Variants in NEBL observed in about 807,000 individuals in gnomAD.
NEBL encodes LIM and SH3 protein 2.
In NEBL, 122 loss-of-function variants were observed where a neutral mutation model predicts 140.2. The observed-to-expected ratio is 0.87, with a 90% CI of 0.75 to 1.01. The LOEUF (loss-of-function observed/expected upper bound fraction) is 1.01. Among genes scored for constraint, NEBL ranks in the 50% least tolerant of loss-of-function variants. The pLI, the probability that NEBL is intolerant of heterozygous loss-of-function variation, is 0.00. For synonymous variants in NEBL, 436 were observed against 398.9 expected (o/e 1.09, Z -1.11); for missense variants, 1,365 against 1,231.3 (o/e 1.11, Z -1.62).
chr10:21,121,313 C>T (rs906015402), intron 2 of NEBL, among the ~76,000 whole-genome samples: 7 of 152,112 alleles, frequency 4.6e-5, no homozygotes, highest in Non-Finnish European at 1.0e-4. Flanking sequence ...ACTTTAATGT[C>T]ACGGTCATGC....
chr10:20,841,418 C>A (rs1225077878), intron 12 of NEBL: 2 of 154,512 alleles, frequency 1.3e-5, no homozygotes, highest in Non-Finnish European at 2.9e-5. Context: ...ATAGATGGTA[C>A]TTGAAAGCAG....
chr10:21,141,626 AG>A (rs564008393), intron 2 of NEBL, among the ~76,000 whole-genome samples: 81 of 152,384 alleles, frequency 5.3e-4, no homozygotes, highest in African/African-American at 1.9e-3. Context: ...CCATTGACAG[AG>A]AAACACAAAA....
chr10:21,262,835 T>A lies in NEBL; in HGVS notation n.183-11007A>T, dbSNP rs77446049. On this transcript the variant is annotated intron_variant and non_coding_transcript_variant, in intron 1 of 8. Coordinates refer to the NEBL transcript ENST00000675702. ...TAGTGGTTTTCCAGTGTGCCCATGA[T>A]TACAAACCTCTCTTTAAATTCCGTG... Among the ~76,000 whole-genome samples the A allele has an allele frequency of 5.7e-3, 867 of 152,280 alleles. 7 individuals carry two copies. The highest frequency in any genetic ancestry group is 0.02 in the African/African-American group (827 of 41,546).
intron 5 of NEBL, among the ~76,000 whole-genome samples, chr10:20,875,281 G>GCC (rs1315923457): frequency 6.6e-6 from 1 of 152,106 alleles, no homozygotes; most frequent in Non-Finnish European, 1.5e-5. Context: ...CATCCAAGGT[G>GCC]CCCGGCTATC....
intron 2 of NEBL, among the ~76,000 whole-genome samples, chr10:21,097,966 G>A (rs77201584): frequency 0.023 from 3,466 of 152,210 alleles, 138 homozygotes; most frequent in African/African-American, 0.076. Flanking sequence ...GTGACCCTAC[G>A]TGAAATGAAC....
chr10:20,996,397 G>C (rs989207329), intron 3 of NEBL, among the ~76,000 whole-genome samples: 1 of 152,194 alleles, frequency 6.6e-6, no homozygotes, highest in Non-Finnish European at 1.5e-5. Flanking sequence ...AAGTGAAAAT[G>C]CAGAGTATCC....
chr10:21,155,678 C>T (rs1840311110), intron 2 of NEBL, among the ~76,000 whole-genome samples: 1 of 152,182 alleles, frequency 6.6e-6, no homozygotes, highest in Non-Finnish European at 1.5e-5. Context: ...TGCATTGCTA[C>T]AGCTCAAACA....
chr10:20,950,949 G>C (rs566083089), intron 4 of NEBL, among the ~76,000 whole-genome samples: 11 of 152,152 alleles, frequency 7.2e-5, no homozygotes, highest in Admixed American at 7.2e-4. Context: ...AGGATGCAAT[G>C]ATACAAAGCT....
intron 1 of NEBL, among the ~76,000 whole-genome samples, chr10:21,291,275 G>A (rs932950334): frequency 1.3e-5 from 2 of 151,966 alleles, no homozygotes; most frequent in Non-Finnish European, 2.9e-5. Context: ...GGAGGCCAAG[G>A]CAGGCAGATC....
chr10:21,239,150 T>C (rs1842401882), intron 3 of NEBL, among the ~76,000 whole-genome samples: 1 of 152,142 alleles, frequency 6.6e-6, no homozygotes, highest in Admixed American at 6.5e-5. Flanking sequence ...TATCTTGAAT[T>C]GCCTGGGTTG....
chr10:21,080,141 A>C (rs1341420874), intron 2 of NEBL, among the ~76,000 whole-genome samples: 1 of 152,244 alleles, frequency 6.6e-6, no homozygotes. Flanking sequence ...TAAGCACATA[A>C]TTTATAATGC....
At chr10:21,151,486 C>T (rs1471119193) in intron 2 of NEBL, among the ~76,000 whole-genome samples, 1 of 152,174 alleles carries the variant, frequency 6.6e-6, no homozygotes, top group African/African-American at 2.4e-5. Flanking sequence ...CCCATTAGTG[C>T]TTTATTTTTA....
chr10:21,096,716 T>C (rs1349147164), intron 2 of NEBL, among the ~76,000 whole-genome samples: 1 of 152,174 alleles, frequency 6.6e-6, no homozygotes, highest in Non-Finnish European at 1.5e-5. Flanking sequence ...AGTCTCACTA[T>C]GTTGCCCAAG....
intron 2 of NEBL, among the ~76,000 whole-genome samples, chr10:21,098,317 A>G (rs1837298148): frequency 6.6e-6 from 1 of 152,176 alleles, no homozygotes; most frequent in African/African-American, 2.4e-5. Flanking sequence ...ACGCATCCAC[A>G]CAAAAGACAA....
Position 20,780,257 on chromosome 10 carries a change from T to C in NEBL, c.*5490A>G, listed in dbSNP as rs1834944192. ...ATGTACTCAATTTGTGCACTTTCTATTCTATGCTCCAAACCATTTCTTTCA... is the reference window on the plus strand; with the variant it reads ...ATGTACTCAATTTGTGCACTTTCTACTCTATGCTCCAAACCATTTCTTTCA... On this transcript the variant is annotated 3_prime_UTR_variant, in exon 28 of 28. Coordinates refer to ENST00000377122, the MANE Select transcript of NEBL (RefSeq NM_006393.3). The C allele has an allele frequency of 6.6e-6, 1 of 152,236 alleles. No individual in the cohort carries two copies. The highest frequency in any genetic ancestry group is 1.5e-5 in the Non-Finnish European group (1 of 68,042). The allele number at this position is 152,236 out of a possible 1,614,324, so 9.4% of individuals were successfully genotyped here.
At chr10:20,969,942 A>G (rs1050224556) in intron 3 of NEBL, among the ~76,000 whole-genome samples, 1 of 152,182 alleles carries the variant, frequency 6.6e-6, no homozygotes, top group African/African-American at 2.4e-5. Flanking sequence ...ATAGCCTCAG[A>G]AATTACACAA....
At chr10:21,158,840 G>T (rs1463779022) in intron 2 of NEBL, among the ~76,000 whole-genome samples, 1 of 152,156 alleles carries the variant, frequency 6.6e-6, no homozygotes, top group Non-Finnish European at 1.5e-5. Flanking sequence ...AATAGGAATT[G>T]CATGAAAGCT....
chr10:20,981,735 A>T (rs2131665111), intron 3 of NEBL, among the ~76,000 whole-genome samples: 1 of 152,298 alleles, frequency 6.6e-6, no homozygotes, highest in South Asian at 2.1e-4. Context: ...TGACAGCTAC[A>T]AGGATGTAGG....
intron 17 of NEBL, among the ~76,000 whole-genome samples, chr10:20,827,803 T>C (rs1840022737): frequency 6.6e-6 from 1 of 152,162 alleles, no homozygotes; most frequent in Non-Finnish European, 1.5e-5. Context: ...GCCATTATAC[T>C]TAGCAAACTA....
Sources: allele counts gnomAD v4.1 joint callset (sites outside exome capture counted in the v4.1 genomes callset), GRCh38; gene constraint gnomAD v4.1.1; transcripts MANE v1.5; gene names NCBI Gene and HGNC (gene_info 2026-07-23, HGNC 2026-07-21).